Variants in CFAP36 observed in about 807,000 individuals in gnomAD.
The protein encoded by CFAP36 is cilia- and flagella-associated protein 36.
In CFAP36, 37 loss-of-function variants were observed where a neutral mutation model predicts 50.5. The observed-to-expected ratio is 0.73, with a 90% confidence interval of 0.56 to 0.96. CFAP36 has a LOEUF of 0.96. CFAP36 is among the 50% of genes least tolerant of loss of function. The pLI, the probability that CFAP36 is intolerant of heterozygous loss-of-function variation, is 0.00. For synonymous variants in CFAP36, 138 were observed against 128.2 expected (o/e 1.08, Z -0.52); for missense variants, 407 against 396.2 (o/e 1.03, Z -0.23).
At chr2:55,537,632 A>C in intron 7 of CFAP36, 47 bp downstream of exon 7, 1 of 1,207,304 alleles carries the variant, frequency 8.3e-7, no homozygotes, top group Middle Eastern at 1.9e-4. Context: ...TGAATACATA[A>C]ACACCATATA....
At chr2:55,544,822 T>C (rs533152798) in intron 9 of CFAP36, 85 bp from the exon 10 acceptor site, 1 of 809,780 alleles carries the variant, frequency 1.2e-6, no homozygotes, top group South Asian at 1.8e-5. Context: ...TGCCCCCGAT[T>C]TTTGTTCATT....
intron 4 of CFAP36, chr2:55,531,245 G>C (rs1206204501): frequency 6.6e-6 from 1 of 152,154 alleles, no homozygotes; most frequent in East Asian, 1.9e-4. Flanking sequence ...GCTTTATTCT[G>C]ACTTACGGGT....
intron 3 of CFAP36, among the ~76,000 whole-genome samples, chr2:55,525,491 C>T (rs1684183147): frequency 6.6e-6 from 1 of 152,118 alleles, no homozygotes; most frequent in Non-Finnish European, 1.5e-5. Flanking sequence ...ATCTCATCTT[C>T]TACTAAATAA....
intron 3 of CFAP36, among the ~76,000 whole-genome samples, chr2:55,524,989 A>C (rs1042484043): frequency 4.6e-5 from 7 of 152,020 alleles, no homozygotes; most frequent in Non-Finnish European, 8.8e-5. Context: ...AAAAAAAAAA[A>C]ACAAAAAAGA....
intron 3 of CFAP36, among the ~76,000 whole-genome samples, chr2:55,528,131 G>A (rs1282152452): frequency 6.6e-6 from 1 of 151,334 alleles, no homozygotes; most frequent in East Asian, 2.0e-4. Context: ...GGGATTACAG[G>A]CATAAGCCAC....
intron 5 of CFAP36, among the ~76,000 whole-genome samples, chr2:55,535,272 T>C (rs1684451307): frequency 6.6e-6 from 1 of 152,224 alleles, no homozygotes; most frequent in African/African-American, 2.4e-5. Flanking sequence ...GGCACAGTGG[T>C]ATCACAAGTG....
At chr2:55,524,448 G>C (rs938214990) in intron 3 of CFAP36, among the ~76,000 whole-genome samples, 1 of 31,284 alleles carries the variant, frequency 3.2e-5, no homozygotes. Context: ...TTTTTTTTTT[G>C]TAGAGACAGG....
At chr2:55,533,812 T>C in intron 4 of CFAP36, 61 bp from the exon 5 acceptor site, 1 of 972,798 alleles carries the variant, frequency 1.0e-6, no homozygotes, top group Non-Finnish European at 1.6e-6. Flanking sequence ...ACGAGAACAG[T>C]GAGAAATATA....
Position 55,535,732 on chromosome 2 carries a change from A to G in CFAP36, c.506A>G (p.Asp169Gly). 6.5e-7 allele frequency: 1 copy of G among 1,544,010 alleles called. No homozygotes were observed. Among genetic ancestry groups the G allele is most frequent in the Non-Finnish European group, 8.6e-7 (1 of 1,156,210 alleles). The change falls in exon 6 of 10, where the codon GAC (aspartate) becomes GGC (glycine). Residue 169 changes from aspartate (D) to glycine (G), a missense_variant. Transcript: ENST00000349456. ...EVLRKSKEEY[D>G]QEEERKRKKQ... ...TTCAGAAAATCAAAAGAGGAATATGACCAGGAAGAAGAAAGGAAGAGGAAA... is the reference window on the plus strand; with the variant it reads ...TTCAGAAAATCAAAAGAGGAATATGGCCAGGAAGAAGAAAGGAAGAGGAAA...
rs764269561 is a variant in CFAP36, at chr2:55,519,776, C to T, written c.-26C>T. 1 of 1,612,726 alleles carries T rather than the reference C, an allele frequency of 6.2e-7. No individual in the cohort carries two copies. The highest frequency in any genetic ancestry group is 1.3e-5 in the African/African-American group (1 of 74,932). On this transcript the variant is annotated 5_prime_UTR_variant, in exon 1 of 10. Transcript: ENST00000349456. ...GGGTCCGGCGGTCTGGCCTAGGGAT[C>T]TTCCCCGTTGCCCCTTTGGGGCGGG...
At chr2:55,537,641 T>C (rs1042878433) in intron 7 of CFAP36, 56 bp downstream of exon 7, 37 of 1,124,538 alleles carry the variant, frequency 3.3e-5, no homozygotes, top group Non-Finnish European at 4.2e-5. Context: ...AAACACCATA[T>C]AGAATGTGCC....
intron 2 of CFAP36, 54 bp from the exon 3 acceptor site, chr2:55,523,667 C>A (rs369210989): frequency 8.4e-7 from 1 of 1,191,348 alleles, no homozygotes. Context: ...AATATGCAAA[C>A]TGTCATGTAG....
In CFAP36 at chr2:55,539,025, G is replaced by T; in HGVS notation, c.640+1440G>T. On this transcript the variant is annotated intron_variant, in intron 7 of 9. Coordinates refer to ENST00000349456, the MANE Select transcript of CFAP36 (RefSeq NM_080667.7). ...AAGGTACAGAGATTTCCCCCATATA[G>T]TCCCTGCCCTAGTACATGCCTAGCC... The T allele has an allele frequency of 5.2e-6, 5 of 955,856 alleles. No homozygotes were observed. In the South Asian group the frequency reaches 9.2e-5, roughly 18 times the overall value. The allele number at this position is 955,856 out of a possible 1,614,324, so 59.2% of individuals were successfully genotyped here.
intron 9 of CFAP36, 51 bp from the exon 10 acceptor site, chr2:55,544,856 A>T (rs1023274730): frequency 8.1e-7 from 1 of 1,232,710 alleles, no homozygotes; most frequent in Non-Finnish European, 1.1e-6. Flanking sequence ...TGGGAATTTT[A>T]GACAAATTAC....
intron 7 of CFAP36, 48 bp from the exon 8 acceptor site, chr2:55,543,885 TTAAAA>T (rs1558916434): frequency 6.5e-7 from 1 of 1,528,542 alleles, no homozygotes; most frequent in East Asian, 2.2e-5. Flanking sequence ...AGCCTAACAC[TTAAAA>T]TATTTCTCAT....
chr2:55,541,575 A>G (rs1189016134), intron 7 of CFAP36, among the ~76,000 whole-genome samples: 1 of 152,186 alleles, frequency 6.6e-6, no homozygotes, highest in Non-Finnish European at 1.5e-5. Context: ...TAACCTTGCT[A>G]TATAATTATT....
At chr2:55,541,392 G>T (rs1684635272) in intron 7 of CFAP36, among the ~76,000 whole-genome samples, 1 of 152,092 alleles carries the variant, frequency 6.6e-6, no homozygotes, top group African/African-American at 2.4e-5. Flanking sequence ...TCTTTCATTA[G>T]AATTTTGTAG....
intron 3 of CFAP36, among the ~76,000 whole-genome samples, chr2:55,524,775 A>G (rs1253457769): frequency 6.6e-6 from 1 of 151,810 alleles, no homozygotes; most frequent in Admixed American, 6.6e-5. Context: ...TGAGGTCGGG[A>G]GTTCGAGACC....
chr2:55,537,671 A>T, intron 7 of CFAP36, 86 bp downstream of exon 7: 3 of 847,354 alleles, frequency 3.5e-6, no homozygotes, highest in Non-Finnish European at 5.5e-6. Flanking sequence ...TACTTATTTA[A>T]CTTCAAAAGC....
Sources: allele counts gnomAD v4.1 joint callset (sites outside exome capture counted in the v4.1 genomes callset), GRCh38; gene constraint gnomAD v4.1.1; transcripts MANE v1.5; gene names NCBI Gene and HGNC (gene_info 2026-07-23, HGNC 2026-07-21).